ANKRD62: variants seen among roughly 807,000 people sequenced by gnomAD.
The protein encoded by ANKRD62 is ankyrin repeat domain 62, also known as ankyrin repeat domain-containing protein 62.
A neutral mutation model predicts 98.8 loss-of-function variants in ANKRD62; 61 were observed. The observed-to-expected ratio is 0.62, with a 90% CI of 0.50 to 0.76. The LOEUF is 0.76. Among genes scored for constraint, ANKRD62 ranks in the 30% least tolerant of loss-of-function variants. The pLI is 0.00. For synonymous variants in ANKRD62, 341 were observed against 367.9 expected (o/e 0.93, Z 0.84); for missense variants, 933 against 1,082.9 (o/e 0.86, Z 1.94).
chr18:12,151,041 G>A, the ANKRD62 span, among the ~76,000 whole-genome samples: 3 of 152,144 alleles, frequency 2.0e-5, no homozygotes, highest in Admixed American at 1.3e-4. Context: ...TTCAAGAAAC[G>A]TGTCTAACAC....
chr18:12,138,304 C>T, the ANKRD62 span, among the ~76,000 whole-genome samples: 1 of 152,160 alleles, frequency 6.6e-6, no homozygotes, highest in Non-Finnish European at 1.5e-5. Flanking sequence ...TCGTTATGTA[C>T]CCAGTAGTCA....
chr18:12,151,187 A>T, the ANKRD62 span, among the ~76,000 whole-genome samples: 1 of 152,354 alleles, frequency 6.6e-6, no homozygotes, highest in African/African-American at 2.4e-5. Flanking sequence ...AAAAAAGACA[A>T]AGAAGGGCAT....
the ANKRD62 span, among the ~76,000 whole-genome samples, chr18:12,159,200 G>A: frequency 6.6e-6 from 1 of 152,170 alleles, no homozygotes; most frequent in Non-Finnish European, 1.5e-5. Flanking sequence ...GAAGAAAAGT[G>A]ATTTGAGTTG....
At chr18:12,145,178 C>T in the ANKRD62 span, among the ~76,000 whole-genome samples, 1 of 152,070 alleles carries the variant, frequency 6.6e-6, no homozygotes, top group Middle Eastern at 3.2e-3. Context: ...CCCAGGTTGG[C>T]CTGCACTCTC....
At chr18:12,108,142 A>G (rs1175681473) in intron 8 of ANKRD62, among the ~76,000 whole-genome samples, 3 of 152,248 alleles carry the variant, frequency 2.0e-5, no homozygotes, top group Non-Finnish European at 4.4e-5. Context: ...TTTATAGTGT[A>G]GTGATTATTT....
rs899940880 is a variant in ANKRD62 at position 12,097,624 on chromosome 18, A to T, written c.615-16A>T. The T allele has an allele frequency of 3.9e-6, 6 of 1,520,128 alleles. No individual in the cohort carries two copies. In the Admixed American group the frequency reaches 6.3e-5, roughly 16 times the overall value. The allele number at this position is 1,520,128 out of a possible 1,614,324, so 94.2% of individuals were successfully genotyped here. ...TGCTAAAGTTCCTAAGCATGAAATTATCTTTCTTATTTTAGAACAGCCCTG... is the reference window on the plus strand; with the variant it reads ...TGCTAAAGTTCCTAAGCATGAAATTTTCTTTCTTATTTTAGAACAGCCCTG... On this transcript the variant is annotated splice_polypyrimidine_tract_variant and intron_variant, in intron 4 of 13. Transcript: ENST00000587848.
the ANKRD62 span, among the ~76,000 whole-genome samples, chr18:12,140,729 C>T: frequency 1.3e-5 from 2 of 152,128 alleles, no homozygotes; most frequent in African/African-American, 4.8e-5. Context: ...GAGGAGTACC[C>T]GGCCGTGTGA....
chr18:12,171,021 G>A, the ANKRD62 span, among the ~76,000 whole-genome samples: 18 of 147,376 alleles, frequency 1.2e-4, no homozygotes, highest in South Asian at 2.2e-4. Context: ...TATTTTGAGC[G>A]TATGTGTGTC....
At chr18:12,104,639 C>T (rs11875591) in intron 7 of ANKRD62, among the ~76,000 whole-genome samples, 36,525 of 151,976 alleles carry the variant, frequency 0.24, 4,637 homozygotes, top group Middle Eastern at 0.33. Context: ...ACTGCTGCCT[C>T]GTTTTTAGGA....
chr18:12,127,858 G>T lies in ANKRD62; in HGVS notation c.2673G>T (p.Glu891Asp). The T allele has an allele frequency of 6.6e-7, 1 of 1,524,158 alleles. No individual in the cohort carries two copies. The highest frequency in any genetic ancestry group is 2.1e-5 in the Admixed American group (1 of 48,490). 94.4% of individuals were successfully genotyped at this position (1,524,158 alleles called of 1,614,324 possible). Residue 891 changes from glutamate (E) to aspartate (D), a missense_variant, in exon 14 of 14, where the codon GAG becomes GAT. Glu to Asp is a conservative substitution (Grantham distance 45). This residue lies in a region of ANKRD62 where 362 missense variants were observed against 434.5 expected (regional missense o/e 0.83). Transcript: ENST00000587848. ...SSERRINLEDEAQSLKKKLGQ... is the reference protein window; with the variant it reads ...SSERRINLEDDAQSLKKKLGQ... Reference sequence around the variant, plus strand: ...AACGTCGTATTAATTTAGAAGATGAGGCACAAAGTTTAAAAAAGAAATTAG... The same window carrying T: ...AACGTCGTATTAATTTAGAAGATGATGCACAAAGTTTAAAAAAGAAATTAG...
In ANKRD62 at chr18:12,127,948, A is replaced by G. The variant is rs529258424; in HGVS notation, c.*9A>G. The G allele has an allele frequency of 2.3e-4, 321 of 1,409,850 alleles. No homozygotes were observed. In the African/African-American group the frequency reaches 4.4e-3, roughly 19 times the overall value. The allele number at this position is 1,409,850 out of a possible 1,614,324, so 87.3% of individuals were successfully genotyped here. A position where few individuals can be genotyped will look rare whatever the true frequency, so the allele number is the denominator to read the frequency against. On this transcript the variant is annotated 3_prime_UTR_variant, in exon 14 of 14. Transcript: ENST00000587848. The stretch of plus-strand genomic sequence containing the variant: ...CAACAGTTACTCTGTAGCTGGTTAA[A>G]TAATATCAAGTGTTTCAGGACACTA...
intron 8 of ANKRD62, among the ~76,000 whole-genome samples, chr18:12,113,773 C>A (rs1909599217): frequency 6.6e-6 from 1 of 152,162 alleles, no homozygotes; most frequent in Non-Finnish European, 1.5e-5. Context: ...TACCATTCAA[C>A]CTAGCAATCT....
chr18:12,117,842 T>C (rs1354191165), intron 10 of ANKRD62, among the ~76,000 whole-genome samples: 1 of 152,214 alleles, frequency 6.6e-6, no homozygotes, highest in East Asian at 1.9e-4. Context: ...TGTCCTTTTA[T>C]TATACTGTTG....
intron 10 of ANKRD62, among the ~76,000 whole-genome samples, chr18:12,116,449 T>A (rs1426402391): frequency 6.6e-6 from 1 of 152,236 alleles, no homozygotes; most frequent in Non-Finnish European, 1.5e-5. Context: ...CACAAAATTA[T>A]TAAAAGTATT....
At chr18:12,159,771 T>C in the ANKRD62 span, among the ~76,000 whole-genome samples, 93,262 of 151,970 alleles carry the variant, frequency 0.61, 29,059 homozygotes, top group Middle Eastern at 0.76. Flanking sequence ...TATTAGTTAC[T>C]AGTTTCTCAG....
intron 11 of ANKRD62, among the ~76,000 whole-genome samples, chr18:12,123,268 G>A (rs984535726): frequency 2.6e-5 from 4 of 151,616 alleles, no homozygotes; most frequent in Non-Finnish European, 5.9e-5. Flanking sequence ...TGGCCAGACT[G>A]GTCTCAAACT....
the ANKRD62 span, among the ~76,000 whole-genome samples, chr18:12,152,839 A>C: frequency 6.6e-6 from 1 of 152,234 alleles, no homozygotes; most frequent in African/African-American, 2.4e-5. Context: ...CCATAGTTGA[A>C]GCCGAGATCG....
chr18:12,174,337 C>G, the ANKRD62 span, among the ~76,000 whole-genome samples: 3 of 152,298 alleles, frequency 2.0e-5, no homozygotes, highest in Non-Finnish European at 4.4e-5. Flanking sequence ...ATGTGCCTTT[C>G]AGCTCTATCA....
the ANKRD62 span, among the ~76,000 whole-genome samples, chr18:12,171,528 C>T: frequency 6.6e-6 from 1 of 152,192 alleles, no homozygotes; most frequent in Non-Finnish European, 1.5e-5. Context: ...GATGGGCTTC[C>T]CTTTGTGGGT....
Sources: gnomAD v4.1 joint callset for allele counts (sites outside exome capture counted in the v4.1 genomes callset) on GRCh38, gnomAD v4.1.1 for gene constraint, gnomAD v4.1.1 regional missense constraint, MANE v1.5 for transcripts, NCBI Gene and HGNC (gene_info 2026-07-23, HGNC 2026-07-21) for gene names.